Variants in CFTR observed in about 807,000 individuals in gnomAD.
CFTR encodes cystic fibrosis transmembrane conductance regulator.
CFTR carries 181 observed loss-of-function variants against 171.6 expected under a neutral mutation model. The observed-to-expected ratio is 1.05, with a 90% CI of 0.93 to 1.19. CFTR has a LOEUF of 1.19. CFTR is among the 50% of genes most tolerant of loss of function. The pLI, the probability that CFTR is intolerant of heterozygous loss-of-function variation, is 0.00. For synonymous variants in CFTR, 583 were observed against 608.0 expected (o/e 0.96, Z 0.60); for missense variants, 1,968 against 1,734.7 (o/e 1.13, Z -2.39).
Position 117,540,358 on chromosome 7 carries a change from T to G in CFTR, c.1116+12T>G. On this transcript the variant is annotated intron_variant, in intron 8 of 26. Coordinates refer to ENST00000003084, the MANE Select transcript of CFTR (RefSeq NM_000492.4). ...TAAACAAAATACAGGTAATGTACCA[T>G]AATGCTGCATTATATACTATGATTT... 6.2e-7 allele frequency: 1 copy of G among 1,609,786 alleles called. No homozygotes were observed. The highest frequency in any genetic ancestry group is 8.5e-7 in the Non-Finnish European group (1 of 1,176,280).
chr7:117,645,024 A>G (rs1049096145), intron 23 of CFTR, among the ~76,000 whole-genome samples: 2 of 152,200 alleles, frequency 1.3e-5, no homozygotes, highest in Non-Finnish European at 2.9e-5. Context: ...GTGACAAACT[A>G]TTCTGAGGAA....
chr7:117,545,752 G>T (rs1407886148), intron 9 of CFTR, among the ~76,000 whole-genome samples: 1 of 152,014 alleles, frequency 6.6e-6, no homozygotes, highest in East Asian at 1.9e-4. Context: ...GTCAGGCTAG[G>T]CTTCTGTGAC....
intron 11 of CFTR, among the ~76,000 whole-genome samples, chr7:117,561,483 C>T (rs1411894998): frequency 1.3e-5 from 2 of 152,042 alleles, no homozygotes; most frequent in African/African-American, 4.8e-5. Context: ...TAAGTCTCCC[C>T]CATTCCAGCT....
rs1584808321 is a variant in CFTR, at chr7:117,583,309, T to C, written c.1585-4430T>C. On this transcript the variant is annotated intron_variant, in intron 11 of 26. Coordinates refer to ENST00000003084, the MANE Select transcript of CFTR (RefSeq NM_000492.4). ...TGTGCACTGTACCCAATATGTAGTCTTTTATCCCCCCCCCGCTCCACCCTT... is the reference window on the plus strand; with the variant it reads ...TGTGCACTGTACCCAATATGTAGTCCTTTATCCCCCCCCCGCTCCACCCTT... Among the ~76,000 whole-genome samples, 3 of 151,260 alleles carry C rather than the reference T, an allele frequency of 2.0e-5. No homozygotes were observed. The East Asian group carries it at 6.2e-4, about 31-fold the overall frequency.
Position 117,509,037 on chromosome 7 carries a change from A to G in CFTR, c.168A>G (p.Glu56=), listed in dbSNP as rs1468189806. The change falls in exon 3 of 27, where the codon GAA becomes GAG. Residue 56 remains glutamate, a synonymous_variant. Transcript: ENST00000003084. ...CCCACTTTTTATTCTTTTGCAGAGAATGGGATAGAGAGCTGGCTTCAAAGA... is the reference window on the plus strand; with the variant it reads ...CCCACTTTTTATTCTTTTGCAGAGAGTGGGATAGAGAGCTGGCTTCAAAGA... ...ADNLSEKLER[E]WDRELASKKN... The G allele has an allele frequency of 6.3e-7, 1 of 1,596,890 alleles. No homozygotes were observed.
chr7:117,566,264 C>CAA (rs1791600996), intron 11 of CFTR, among the ~76,000 whole-genome samples: 1 of 150,996 alleles, frequency 6.6e-6, no homozygotes, highest in African/African-American at 2.4e-5. Flanking sequence ...CACACACACA[C>CAA]ACACACACAC....
intron 24 of CFTR, among the ~76,000 whole-genome samples, chr7:117,658,871 C>G (rs1441668474): frequency 6.6e-6 from 1 of 152,180 alleles, no homozygotes; most frequent in Admixed American, 6.6e-5. Flanking sequence ...TCATTCTGCT[C>G]TTTGCAGCTC....
chr7:117,665,409 G>A (rs770166366), intron 25 of CFTR, 50 bp from the exon 26 acceptor site: 2 of 1,050,604 alleles, frequency 1.9e-6, no homozygotes, highest in African/African-American at 3.1e-5. Context: ...GGTAAATACA[G>A]ATCATTACTG....
At chr7:117,496,009 C>G (rs1798230550) in intron 1 of CFTR, among the ~76,000 whole-genome samples, 1 of 152,158 alleles carries the variant, frequency 6.6e-6, no homozygotes, top group Non-Finnish European at 1.5e-5. Context: ...AACTCCATTC[C>G]TATTAGCAGT....
At chr7:117,638,338 AT>A (rs772902790) in intron 22 of CFTR, among the ~76,000 whole-genome samples, 1 of 151,812 alleles carries the variant, frequency 6.6e-6, no homozygotes, top group Admixed American at 6.6e-5. Flanking sequence ...CTGTTTTTTT[AT>A]TTTTTTTATC....
chr7:117,621,017 G>A (rs1447093461), intron 21 of CFTR, among the ~76,000 whole-genome samples: 1 of 152,240 alleles, frequency 6.6e-6, no homozygotes, highest in African/African-American at 2.4e-5. Context: ...CAGGAGAATC[G>A]ATTGAACCCG....
At chr7:117,643,638 A>T (rs1266277911) in intron 23 of CFTR, among the ~76,000 whole-genome samples, 1 of 152,198 alleles carries the variant, frequency 6.6e-6, no homozygotes, top group Non-Finnish European at 1.5e-5. Context: ...TCAGAAAGAA[A>T]AAAGGGATTG....
intron 2 of CFTR, among the ~76,000 whole-genome samples, chr7:117,508,127 G>A (rs980561986): frequency 6.6e-6 from 1 of 152,210 alleles, no homozygotes; most frequent in Admixed American, 6.5e-5. Flanking sequence ...TAACTTGACA[G>A]TAATGGGAAT....
chr7:117,604,267 A>G (rs1194383142), intron 17 of CFTR, among the ~76,000 whole-genome samples: 1 of 152,184 alleles, frequency 6.6e-6, no homozygotes, highest in African/African-American at 2.4e-5. Context: ...TTTTAAAACT[A>G]TTTTTATATC....
chr7:117,639,904 C>A (rs1792885330), intron 22 of CFTR, among the ~76,000 whole-genome samples: 1 of 151,998 alleles, frequency 6.6e-6, no homozygotes, highest in Non-Finnish European at 1.5e-5. Flanking sequence ...TTCTGGAGAC[C>A]ACAAGGTAAT....
At position 117,665,559 on chromosome 7, in the gene CFTR, T is replaced by C. The variant is rs142092183; in HGVS notation, c.4237T>C (p.Phe1413Leu). The C allele has an allele frequency of 2.2e-5, 36 of 1,601,378 alleles. No homozygotes were observed. Among genetic ancestry groups the C allele is most frequent in the Non-Finnish European group, 2.9e-5 (34 of 1,168,768 alleles). Residue 1413 changes from phenylalanine to leucine, a missense_variant, in exon 26 of 27, where the codon TTT (phenylalanine) becomes CTT (leucine). Phe to Leu is a conservative substitution (Grantham distance 22). Transcript: ENST00000003084. The stretch of plus-strand genomic sequence containing the variant: ...AGAAGCAATGCTGGAATGCCAACAA[T>C]TTTTGGTGAGTCTTTATAACTTTAC... Reference protein sequence around the residue: ...RIEAMLECQQFLVIEENKVRQ... With the variant: ...RIEAMLECQQLLVIEENKVRQ...
At chr7:117,501,747 C>CAAAAAAA (rs1212853305) in intron 1 of CFTR, among the ~76,000 whole-genome samples, 53 of 43,794 alleles carry the variant, frequency 1.2e-3, no homozygotes, top group East Asian at 1.9e-3. Context: ...AACTCTGTCT[C>CAAAAAAA]AAAAAAAAAA....
At chr7:117,501,747 C>CAAAAAAAAAAAAAA (rs1212853305) in intron 1 of CFTR, among the ~76,000 whole-genome samples, 9 of 43,896 alleles carry the variant, frequency 2.1e-4, no homozygotes, top group Non-Finnish European at 2.9e-4. Context: ...AACTCTGTCT[C>CAAAAAAAAAAAAAA]AAAAAAAAAA....
intron 9 of CFTR, 73 bp downstream of exon 9, chr7:117,542,181 T>TA: frequency 1.3e-6 from 1 of 766,018 alleles, no homozygotes; most frequent in Non-Finnish European, 2.4e-6. Flanking sequence ...GATTTCATCC[T>TA]AATGGCGAAT....
Sources: allele counts gnomAD v4.1 joint callset (sites outside exome capture counted in the v4.1 genomes callset), GRCh38; gene constraint gnomAD v4.1.1; transcripts MANE v1.5; gene names NCBI Gene and HGNC (gene_info 2026-07-23, HGNC 2026-07-21).